Variants in TRAPPC12 observed in about 807,000 individuals in gnomAD.
TRAPPC12 encodes TPR repeat protein 15.
TRAPPC12 carries 61 observed loss-of-function variants against 69.2 expected under a neutral mutation model. That is an observed-to-expected ratio of 0.88 (90% CI 0.72 to 1.09). The LOEUF is 1.09. TRAPPC12 is among the 50% of genes least tolerant of loss of function. The probability of loss-of-function intolerance (pLI) is 0.00; values close to 1 mark genes in which losing one functional copy is unlikely to be tolerated. For missense variants in TRAPPC12, 1,101 were observed against 1,016.4 expected (o/e 1.08, Z -1.13); for synonymous variants, 469 against 438.9 (o/e 1.07, Z -0.86).
intron 5 of TRAPPC12, among the ~76,000 whole-genome samples, chr2:3,430,214 A>G (rs779639868): frequency 3.3e-5 from 5 of 152,178 alleles, no homozygotes; most frequent in Non-Finnish European, 7.3e-5. Flanking sequence ...ATTATGAGCA[A>G]TGGTGTTATG....
At chr2:3,446,203 C>T (rs1176407371) in intron 6 of TRAPPC12, among the ~76,000 whole-genome samples, 1 of 152,188 alleles carries the variant, frequency 6.6e-6, no homozygotes, top group African/African-American at 2.4e-5. Flanking sequence ...TTTAAAGATA[C>T]ATATCTTTTC....
intron 3 of TRAPPC12, among the ~76,000 whole-genome samples, chr2:3,418,960 C>T (rs971022243): frequency 5.3e-5 from 8 of 152,164 alleles, no homozygotes; most frequent in South Asian, 2.1e-4. Flanking sequence ...CACACCTGCT[C>T]GGCCCCTCCT....
chr2:3,407,720 T>C (rs1274492110), intron 3 of TRAPPC12, among the ~76,000 whole-genome samples: 1 of 151,530 alleles, frequency 6.6e-6, no homozygotes, highest in East Asian at 1.9e-4. Flanking sequence ...GAGAATGGTC[T>C]GGGAGGCAGA....
intron 5 of TRAPPC12, 49 bp from the exon 6 acceptor site, chr2:3,443,730 C>T (rs763896784): frequency 1.8e-5 from 26 of 1,449,124 alleles, no homozygotes; most frequent in Non-Finnish European, 2.2e-5. Context: ...AGTATGAATG[C>T]GTGCTCAGTT....
Position 3,479,487 on chromosome 2 carries a change from G to A in TRAPPC12, c.*26G>A. ...CTGCCTCCAACACACTACGTCAGAA[G>A]GACCCGGGTCTTTGAAACTGTGTCT... On this transcript the variant is annotated 3_prime_UTR_variant, in exon 12 of 12. Coordinates refer to ENST00000324266, the MANE Select transcript of TRAPPC12 (RefSeq NM_016030.6). The A allele has an allele frequency of 6.2e-7, 1 of 1,610,282 alleles. No homozygotes were observed. The highest frequency in any genetic ancestry group is 8.5e-7 in the Non-Finnish European group (1 of 1,178,022).
chr2:3,398,713 G>A (rs374289991), intron 2 of TRAPPC12, among the ~76,000 whole-genome samples: 5 of 152,198 alleles, frequency 3.3e-5, no homozygotes, highest in East Asian at 3.9e-4. Flanking sequence ...GGCCCTAACC[G>A]CCTGTCAGCC....
chr2:3,457,927 G>A (rs1174173421), intron 7 of TRAPPC12: 10 of 1,402,026 alleles, frequency 7.1e-6, no homozygotes, highest in Middle Eastern at 4.9e-4. Flanking sequence ...GAGAAGACAC[G>A]CCTTCACCAC....
intron 9 of TRAPPC12, among the ~76,000 whole-genome samples, chr2:3,470,481 G>A (rs1666016128): frequency 6.6e-6 from 1 of 152,246 alleles, no homozygotes; most frequent in Non-Finnish European, 1.5e-5. Flanking sequence ...GCTGATAGTG[G>A]GCACTGCAGT....
Position 3,426,167 on chromosome 2 carries a change from T to C in TRAPPC12, c.1417+1504T>C, listed in dbSNP as rs111299729. ...TTAGTCTCACTGGTATTAAAATTGT[T>C]TCTTCCTTCTGACTAAGGGAATTTG... On this transcript the variant is annotated intron_variant, in intron 5 of 11. Transcript: ENST00000324266. Among the ~76,000 whole-genome samples, 108 of 152,354 alleles carry C rather than the reference T, an allele frequency of 7.1e-4. 2 individuals are homozygous for C. Among genetic ancestry groups the C allele is most frequent in the African/African-American group, 2.5e-3 (102 of 41,590 alleles).
At chr2:3,419,384 A>G (rs1357491916) in intron 3 of TRAPPC12, among the ~76,000 whole-genome samples, 1 of 152,246 alleles carries the variant, frequency 6.6e-6, no homozygotes, top group Non-Finnish European at 1.5e-5. Context: ...TATTGCATTG[A>G]ATTTAGACTA....
At chr2:3,430,604 A>G (rs550793249) in intron 5 of TRAPPC12, among the ~76,000 whole-genome samples, 8 of 152,396 alleles carry the variant, frequency 5.2e-5, no homozygotes, top group Non-Finnish European at 7.3e-5. Flanking sequence ...GGAAATATTA[A>G]TATCTTCTCC....
At chr2:3,413,802 G>C (rs1299329285) in intron 3 of TRAPPC12, among the ~76,000 whole-genome samples, 1 of 152,190 alleles carries the variant, frequency 6.6e-6, no homozygotes. Context: ...TAACCTGCCT[G>C]ACAGTACTGT....
rs1662917084 is a variant in TRAPPC12 at position 3,423,318 on chromosome 2, GCC to G, written c.1279-1206_1279-1205del. 7.6e-5 allele frequency among the ~76,000 whole-genome samples: 9 copies of G among 118,420 alleles called. No homozygotes were observed. The Admixed American group carries it at 7.7e-4, about 10-fold the overall frequency. 77.7% of individuals were successfully genotyped at this position (118,420 alleles called of 152,430 possible). On this transcript the variant is annotated intron_variant, in intron 4 of 11. Coordinates refer to ENST00000324266, the MANE Select transcript of TRAPPC12 (RefSeq NM_016030.6). ...CTAAATCGCATGCATTGCCTCGCAT[GCC>G]TTTGTGTGTGTGTGTGTGTGTGTGT... is the stretch of plus-strand genomic sequence containing the variant.
At chr2:3,403,569 A>T (rs1661571858) in intron 3 of TRAPPC12, among the ~76,000 whole-genome samples, 1 of 152,218 alleles carries the variant, frequency 6.6e-6, no homozygotes, top group South Asian at 2.1e-4. Context: ...GTTCCTAAAG[A>T]TATAATAGTT....
rs150579966 is a variant in TRAPPC12, at chr2:3,395,022, G to A, written c.1047+6352G>A. ...CAGTCTTTTTTGTGGATATATTTTC[G>A]TTTCTCTTGGGTAAAAACTTAATAG... On this transcript the variant is annotated intron_variant, in intron 2 of 11. Transcript: ENST00000324266. Among the ~76,000 whole-genome samples the A allele has an allele frequency of 6.6e-5, 10 of 152,154 alleles. 1 individual carries two copies. In the East Asian group the frequency reaches 1.2e-3, roughly 18 times the overall value.
In TRAPPC12 at chr2:3,387,806, G is replaced by C; in HGVS notation, c.183G>C (p.Lys61Asn). The change falls in exon 2 of 12, where the codon AAG becomes AAC. Residue 61 changes from lysine to asparagine, a missense_variant. By Grantham distance (94) the Lys-to-Asn change is moderately conservative (BLOSUM62 0). Transcript: ENST00000324266. Reference sequence around the variant, plus strand: ...AAGGCTCGAGTCCTCTCGCGGACAAGCTGAACGAACACATGATGGAGAGCG... The same window carrying C: ...AAGGCTCGAGTCCTCTCGCGGACAACCTGAACGAACACATGATGGAGAGCG... ...ASEGSSPLAD[K>N]LNEHMMESVL... The C allele has an allele frequency of 6.2e-7, 1 of 1,613,502 alleles. No homozygotes were observed. Among genetic ancestry groups the C allele is most frequent in the Non-Finnish European group, 8.5e-7 (1 of 1,179,652 alleles).
At chr2:3,467,210 C>T (rs1665856936) in intron 9 of TRAPPC12, among the ~76,000 whole-genome samples, 1 of 152,130 alleles carries the variant, frequency 6.6e-6, no homozygotes, top group Non-Finnish European at 1.5e-5. Flanking sequence ...TCGGTGTTCG[C>T]TTTTCTGAGG....
At chr2:3,406,020 T>C (rs759446514) in intron 3 of TRAPPC12, among the ~76,000 whole-genome samples, 3 of 152,096 alleles carry the variant, frequency 2.0e-5, no homozygotes, top group Non-Finnish European at 4.4e-5. Flanking sequence ...CCAGCATGAA[T>C]CCCTCAGGCC....
intron 5 of TRAPPC12, among the ~76,000 whole-genome samples, chr2:3,431,233 C>T (rs771740757): frequency 3.3e-5 from 5 of 152,240 alleles, no homozygotes; most frequent in Non-Finnish European, 5.9e-5. Flanking sequence ...AACGTGAGTG[C>T]TCCCGGGATC....
Sources: allele counts gnomAD v4.1 joint callset (sites outside exome capture counted in the v4.1 genomes callset), GRCh38; gene constraint gnomAD v4.1.1; transcripts MANE v1.5; gene names NCBI Gene and HGNC (gene_info 2026-07-23, HGNC 2026-07-21).